DZIP3: variants seen among roughly 807,000 people sequenced by gnomAD.
DZIP3 encodes the protein DAZ interacting zinc finger protein 3, also known as E3 ubiquitin-protein ligase DZIP3.
A neutral mutation model predicts 162.0 loss-of-function variants in DZIP3; 118 were observed. That is an observed-to-expected ratio of 0.73 (90% CI 0.63 to 0.85). The LOEUF is 0.85. DZIP3 is among the 40% of genes least tolerant of loss of function. The probability of loss-of-function intolerance (pLI) is 0.00; values close to 1 mark genes in which losing one functional copy is unlikely to be tolerated. For synonymous variants in DZIP3, 438 were observed against 458.6 expected, an observed-to-expected ratio of 0.96 and a Z score of 0.57; for missense variants, 1,331 against 1,407.0, an observed-to-expected ratio of 0.95 and a Z score of 0.86.
chr3:108,645,038 C>T (rs945021415), intron 14 of DZIP3, among the ~76,000 whole-genome samples: 1 of 152,040 alleles, frequency 6.6e-6, no homozygotes, highest in African/African-American at 2.4e-5. Flanking sequence ...AGAAGTTAGC[C>T]AGGTGAAGCA....
chr3:108,688,810 G>C lies in DZIP3; in HGVS notation c.3415-13G>C. On this transcript the variant is annotated splice_polypyrimidine_tract_variant and intron_variant, in intron 30 of 32. Coordinates refer to ENST00000361582, the MANE Select transcript of DZIP3 (RefSeq NM_014648.4). ...CAATGAGCTAAATTTAACATTTTCTGTATTTTCCCTAGGATGAGGAAGAGG... is the reference window on the plus strand; with the variant it reads ...CAATGAGCTAAATTTAACATTTTCTCTATTTTCCCTAGGATGAGGAAGAGG... 2 of 1,614,006 alleles carry C rather than the reference G, an allele frequency of 1.2e-6. No individual in the cohort carries two copies. Among genetic ancestry groups the C allele is most frequent in the Non-Finnish European group, 1.7e-6 (2 of 1,179,968 alleles).
chr3:108,656,476 C>T (rs1233226806), intron 19 of DZIP3, among the ~76,000 whole-genome samples: 1 of 152,150 alleles, frequency 6.6e-6, no homozygotes, highest in Non-Finnish European at 1.5e-5. Context: ...AGGGCATCCA[C>T]ACCAAAACCC....
At chr3:108,596,685 C>G (rs928361381) in intron 1 of DZIP3, among the ~76,000 whole-genome samples, 4 of 152,122 alleles carry the variant, frequency 2.6e-5, no homozygotes, top group African/African-American at 9.7e-5. Flanking sequence ...CCTTCAGAGG[C>G]CTTGAGGTGT....
chr3:108,637,961 C>T (rs949120389), intron 12 of DZIP3, among the ~76,000 whole-genome samples: 1 of 152,046 alleles, frequency 6.6e-6, no homozygotes, highest in Admixed American at 6.6e-5. Context: ...GAATTAATAG[C>T]GGTATTATAG....
chr3:108,600,582 TC>T (rs1247901173), intron 1 of DZIP3, among the ~76,000 whole-genome samples: 1 of 152,206 alleles, frequency 6.6e-6, no homozygotes, highest in African/African-American at 2.4e-5. Context: ...TCATTAACAT[TC>T]CTTTCCAAAC....
chr3:108,635,008 C>T (rs1334225585), intron 10 of DZIP3, 36 bp downstream of exon 10: 1 of 1,280,662 alleles, frequency 7.8e-7, no homozygotes, highest in Non-Finnish European at 1.1e-6. Flanking sequence ...AACAGCATTT[C>T]TTCCTCTACC....
chr3:108,629,291 A>G lies in DZIP3; in HGVS notation c.696+115A>G, dbSNP rs938035902. 7.2e-6 allele frequency: 5 copies of G among 690,754 alleles called. No individual in the cohort carries two copies. The Admixed American group carries it at 1.6e-4, about 22-fold the overall frequency. The allele number at this position is 690,754 out of a possible 1,614,324, so 42.8% of individuals were successfully genotyped here. Reference sequence around the variant, plus strand: ...TGGCACATAACTTTTTATACAAGAAACAACCTTTATTGCATTACCTAGTGC... The same window carrying G: ...TGGCACATAACTTTTTATACAAGAAGCAACCTTTATTGCATTACCTAGTGC... On this transcript the variant is annotated intron_variant, in intron 8 of 32. Transcript: ENST00000361582.
At chr3:108,637,654 T>TTTAAGGTAGTA (rs11276575) in intron 12 of DZIP3, 106 bp downstream of exon 12, 779,041 of 779,800 alleles carry the variant, frequency 1, 389,145 homozygotes, top group Middle Eastern at 1. Flanking sequence ...TGCATTAAAT[T>TTTAAGGTAGTA]TTAAGGTATG....
At chr3:108,683,663 G>A (rs188961456) in intron 26 of DZIP3, among the ~76,000 whole-genome samples, 1 of 152,288 alleles carries the variant, frequency 6.6e-6, no homozygotes, top group East Asian at 1.9e-4. Context: ...CTATAGCAGA[G>A]TTTATCTCCC....
intron 24 of DZIP3, among the ~76,000 whole-genome samples, chr3:108,674,672 C>A (rs1469601291): frequency 1.3e-5 from 2 of 151,742 alleles, no homozygotes; most frequent in African/African-American, 4.8e-5. Context: ...AGTATTAACA[C>A]CTAAATCGTA....
intron 18 of DZIP3, 145 bp from the exon 19 acceptor site, chr3:108,654,000 C>T (rs1942992877): frequency 2.7e-6 from 2 of 735,022 alleles, no homozygotes; most frequent in Non-Finnish European, 4.4e-6. Flanking sequence ...TCAGTATGAG[C>T]ACTATCCAAA....
At chr3:108,606,132 C>T (rs779184191) in intron 2 of DZIP3, among the ~76,000 whole-genome samples, 3 of 152,138 alleles carry the variant, frequency 2.0e-5, no homozygotes, top group Non-Finnish European at 4.4e-5. Flanking sequence ...TACACATAAA[C>T]CTCATAACAA....
chr3:108,647,349 T>C (rs1284649998), intron 15 of DZIP3, among the ~76,000 whole-genome samples: 2 of 152,108 alleles, frequency 1.3e-5, no homozygotes, highest in East Asian at 1.9e-4. Context: ...GTAATTAATA[T>C]TATTCAATTA....
rs377493495 is a variant in DZIP3 at position 108,656,858 on chromosome 3, G to A, written c.2199+2548G>A. Among the ~76,000 whole-genome samples the A allele has an allele frequency of 1.2e-4, 19 of 152,318 alleles. No homozygotes were observed. The East Asian group carries it at 3.7e-3, about 29-fold the overall frequency. ...TGTGACGAATGCACAAGCCTCAGTA[G>A]CCGATTCACTCAACTGGAAGAAAGG... On this transcript the variant is annotated intron_variant, in intron 19 of 32. Transcript: ENST00000361582.
intron 8 of DZIP3, among the ~76,000 whole-genome samples, chr3:108,631,055 A>ACACACATACACTCTCTCT: frequency 0.027 from 492 of 18,056 alleles, 23 homozygotes; most frequent in Admixed American, 0.051. Context: ...ACACACACAC[A>ACACACATACACTCTCTCT]CTCTCTCTCT....
In DZIP3 at chr3:108,682,738, A is replaced by G. The variant is rs1208427925; in HGVS notation, c.2884-1478A>G. Among the ~76,000 whole-genome samples, 4 of 150,840 alleles carry G rather than the reference A, an allele frequency of 2.7e-5. 1 individual carries two copies. Among genetic ancestry groups the G allele is most frequent in the African/African-American group, 1.0e-4 (4 of 40,168 alleles). On this transcript the variant is annotated intron_variant, in intron 26 of 32. Transcript: ENST00000361582. ...TTAACAGTAAGGTATTATATATCTC[A>G]AAATGGCTAGAAGAGAGGATTTTGA...
rs1480643614 is a variant in DZIP3 at position 108,688,106 on chromosome 3, A to T, written c.3270+10A>T. 5.6e-6 allele frequency: 9 copies of T among 1,612,490 alleles called. No homozygotes were observed. Among genetic ancestry groups the T allele is most frequent in the Admixed American group, 1.7e-5 (1 of 59,898 alleles). The stretch of plus-strand genomic sequence containing the variant: ...CCCCAAAAAGTCTCAGGTAAAATGC[A>T]AAAACAACCAAAAAACCTGTATCTC... On this transcript the variant is annotated intron_variant, in intron 29 of 32. Coordinates refer to ENST00000361582, the MANE Select transcript of DZIP3 (RefSeq NM_014648.4).
Position 108,632,946 on chromosome 3 carries a change from A to G in DZIP3, c.697-7A>G. On this transcript the variant is annotated splice_polypyrimidine_tract_variant and splice_region_variant and intron_variant, in intron 8 of 32. Coordinates refer to ENST00000361582, the MANE Select transcript of DZIP3 (RefSeq NM_014648.4). ...TCATGAGAATTCTTTCTGTTTTTAA[A>G]ATCTAGGATCTTCTTAATAATTTTA... 1 of 1,367,930 alleles carries G rather than the reference A, an allele frequency of 7.3e-7. No homozygotes were observed. Among genetic ancestry groups the G allele is most frequent in the Non-Finnish European group, 9.8e-7 (1 of 1,020,936 alleles). The allele number at this position is 1,367,930 out of a possible 1,614,324, so 84.7% of individuals were successfully genotyped here.
chr3:108,638,411 G>A (rs1458229300), intron 12 of DZIP3, among the ~76,000 whole-genome samples: 1 of 152,080 alleles, frequency 6.6e-6, no homozygotes, highest in Non-Finnish European at 1.5e-5. Context: ...TGCCTCCCGG[G>A]TTCACACCAT....
Sources: gnomAD v4.1 joint callset for allele counts (sites outside exome capture counted in the v4.1 genomes callset) on GRCh38, gnomAD v4.1.1 for gene constraint, MANE v1.5 for transcripts, NCBI Gene and HGNC (gene_info 2026-07-23, HGNC 2026-07-21) for gene names.